Variants in SLC4A1AP observed in about 807,000 individuals in gnomAD.
SLC4A1AP encodes solute carrier family 4 member 1 adaptor protein.
A neutral mutation model predicts 89.7 loss-of-function variants in SLC4A1AP; 64 were observed. The observed-to-expected ratio is 0.71, with a 90% CI of 0.58 to 0.88. The LOEUF is 0.88. Among genes scored for constraint, SLC4A1AP ranks in the 40% least tolerant of loss-of-function variants. The pLI is 0.00. For missense variants in SLC4A1AP, 931 were observed against 965.0 expected (o/e 0.96, Z 0.47); for synonymous variants, 366 against 353.3 (o/e 1.04, Z -0.40).
At chr2:27,692,353 C>A (rs573441892) in intron 12 of SLC4A1AP, 1 of 152,254 alleles carries the variant, frequency 6.6e-6, no homozygotes, top group African/African-American at 2.4e-5. Context: ...CGACTGTGGT[C>A]TGAGAAGATA....
intron 5 of SLC4A1AP, among the ~76,000 whole-genome samples, chr2:27,669,852 A>G (rs7559959): frequency 1.1e-4 from 16 of 151,810 alleles, no homozygotes; most frequent in African/African-American, 3.9e-4. Context: ...ACCCTGCACA[A>G]CTAATTTTTG....
At chr2:27,692,378 A>G (rs1186029809) in intron 12 of SLC4A1AP, 1 of 152,188 alleles carries the variant, frequency 6.6e-6, no homozygotes, top group East Asian at 1.9e-4. Context: ...ATATGATTTC[A>G]ATTTTTTTAA....
intron 4 of SLC4A1AP, 101 bp from the exon 5 acceptor site, chr2:27,669,147 A>G: frequency 7.9e-7 from 1 of 1,262,512 alleles, no homozygotes; most frequent in East Asian, 2.3e-5. Context: ...AAAGACTGAA[A>G]GGCCATCTAA....
Position 27,685,944 on chromosome 2 carries a change from G to GA in SLC4A1AP, c.2116+675dup, listed in dbSNP as rs201429983. On this transcript the variant is annotated intron_variant, in intron 10 of 13. Transcript: ENST00000613058. ...ATAGATCATACATAAAAGTCCAAAG[G>GA]AAAAAAAAGAAATCCCCACAACCCC... Among the ~76,000 whole-genome samples, 778 of 151,778 alleles carry GA rather than the reference G, an allele frequency of 5.1e-3. 8 individuals carry two copies. The highest frequency in any genetic ancestry group is 0.018 in the African/African-American group (755 of 41,410).
At chr2:27,673,589 A>G (rs1643581878) in intron 5 of SLC4A1AP, among the ~76,000 whole-genome samples, 2 of 151,646 alleles carry the variant, frequency 1.3e-5, no homozygotes, top group Non-Finnish European at 1.5e-5. Context: ...TCAGCCTCCT[A>G]AGTAGCTGGG....
intron 8 of SLC4A1AP, among the ~76,000 whole-genome samples, chr2:27,679,252 G>T (rs13427573): frequency 6.6e-6 from 1 of 152,116 alleles, no homozygotes; most frequent in African/African-American, 2.4e-5. Context: ...AGCATTGTTT[G>T]TATTAATAGT....
chr2:27,670,948 G>A (rs1203616430), intron 5 of SLC4A1AP, among the ~76,000 whole-genome samples: 1 of 138,362 alleles, frequency 7.2e-6, no homozygotes, highest in Non-Finnish European at 1.6e-5. Flanking sequence ...TTTTGAGATG[G>A]AGTCTCACTC....
intron 9 of SLC4A1AP, among the ~76,000 whole-genome samples, chr2:27,684,276 A>G (rs1286784735): frequency 6.6e-6 from 1 of 152,016 alleles, no homozygotes; most frequent in East Asian, 1.9e-4. Context: ...AAATACAAAA[A>G]TTAGCTGAGC....
chr2:27,675,484 C>G, intron 5 of SLC4A1AP, 48 bp from the exon 6 acceptor site: 2 of 1,360,208 alleles, frequency 1.5e-6, no homozygotes, highest in Non-Finnish European at 2.0e-6. Flanking sequence ...CTTTCTTTTT[C>G]TTTTCTTTTT....
intron 12 of SLC4A1AP, among the ~76,000 whole-genome samples, chr2:27,689,935 C>T (rs10200094): frequency 0.049 from 7,431 of 152,288 alleles, 476 homozygotes; most frequent in African/African-American, 0.15. Context: ...TTAGCACTCA[C>T]ACCTGCAGTG....
chr2:27,664,406 C>G (rs775194704), exon 1 of SLC4A1AP: 1 of 1,614,228 alleles, frequency 6.2e-7, no homozygotes, highest in Admixed American at 1.7e-5. Context: ...ACAGGGCGTC[C>G]GGCCCTGACG....
chr2:27,666,889 G>C (rs2148130506), intron 2 of SLC4A1AP, among the ~76,000 whole-genome samples: 1 of 148,392 alleles, frequency 6.7e-6, no homozygotes, highest in East Asian at 2.0e-4. Flanking sequence ...TTTTTTGGGA[G>C]ACGGTCTCAC....
At chr2:27,677,120 A>G (rs1675536363) in intron 6 of SLC4A1AP, among the ~76,000 whole-genome samples, 175 bp from the exon 7 acceptor site, 1 of 152,160 alleles carries the variant, frequency 6.6e-6, no homozygotes, top group Non-Finnish European at 1.5e-5. Context: ...CCCTGGCAAC[A>G]GAATGAGGCT....
intron 4 of SLC4A1AP, 93 bp from the exon 5 acceptor site, chr2:27,669,155 T>TA (rs906963886): frequency 4.3e-3 from 4,987 of 1,162,722 alleles, no homozygotes; most frequent in Non-Finnish European, 5.0e-3. Context: ...AAAGGCCATC[T>TA]AAAAAAAAAA....
intron 3 of SLC4A1AP, 104 bp from the exon 4 acceptor site, chr2:27,668,739 T>C (rs1675374769): frequency 1.8e-6 from 2 of 1,092,916 alleles, no homozygotes; most frequent in African/African-American, 3.1e-5. Flanking sequence ...CGTGAGCCAC[T>C]GCTAGGAACT....
At chr2:27,684,992 G>A (rs1333783812) in intron 9 of SLC4A1AP, 45 bp from the exon 10 acceptor site, 1 of 1,542,562 alleles carries the variant, frequency 6.5e-7, no homozygotes, top group East Asian at 2.3e-5. Context: ...TTCTCTTGTT[G>A]TCATTAAGTA....
chr2:27,687,418 A>C (rs140564495), intron 10 of SLC4A1AP, among the ~76,000 whole-genome samples: 7 of 152,010 alleles, frequency 4.6e-5, no homozygotes, highest in African/African-American at 7.2e-5. Context: ...CTCTATCTCT[A>C]CAAAAAATTA....
intron 12 of SLC4A1AP, chr2:27,692,052 A>G (rs1451042697): frequency 2.6e-5 from 4 of 152,138 alleles, no homozygotes; most frequent in African/African-American, 9.6e-5. Context: ...AGCTCAAGCA[A>G]TCCTCCTGCC....
chr2:27,694,904 G>A, exon 14 of SLC4A1AP: 1 of 386,480 alleles, frequency 2.6e-6, no homozygotes, highest in Non-Finnish European at 4.6e-6. Flanking sequence ...ATGTAAAAAG[G>A]GAACCATATG....
Sources: gnomAD v4.1 joint callset for allele counts (sites outside exome capture counted in the v4.1 genomes callset) on GRCh38, gnomAD v4.1.1 for gene constraint, MANE v1.5 for transcripts, NCBI Gene and HGNC (gene_info 2026-07-23, HGNC 2026-07-21) for gene names.